Variants in ARID1B observed in about 807,000 individuals in gnomAD.
ARID1B encodes AT-rich interactive domain-containing protein 1B.
A neutral mutation model predicts 212.3 loss-of-function variants in ARID1B; 30 were observed. The observed-to-expected ratio is 0.14, with a 90% confidence interval of 0.11 to 0.19. The LOEUF (loss-of-function observed/expected upper bound fraction) is 0.19. Ranked by LOEUF, ARID1B falls within the 10% of genes least tolerant of loss-of-function variation. ARID1B has a pLI of 1.00. For missense variants in ARID1B, 2,891 were observed against 3,204.0 expected (o/e 0.90, Z 2.36); for synonymous variants, 1,402 against 1,301.7 (o/e 1.08, Z -1.66).
chr6:157,034,541 G>A (rs1164128323), intron 4 of ARID1B, among the ~76,000 whole-genome samples: 1 of 152,136 alleles, frequency 6.6e-6, no homozygotes, highest in African/African-American at 2.4e-5. Context: ...TGTTATTGTT[G>A]TTCAAATTTA....
At chr6:157,002,256 AT>A (rs1380093133) in intron 4 of ARID1B, among the ~76,000 whole-genome samples, 5 of 152,178 alleles carry the variant, frequency 3.3e-5, no homozygotes, top group African/African-American at 9.7e-5. Context: ...AAACTTTATC[AT>A]TTTGTGTTCA....
At chr6:156,944,307 T>TG (rs1381152529) in intron 4 of ARID1B, among the ~76,000 whole-genome samples, 2 of 152,158 alleles carry the variant, frequency 1.3e-5, no homozygotes, top group African/African-American at 4.8e-5. Context: ...CAGGGACACT[T>TG]GAACTTATTG....
At chr6:156,892,232 G>A (rs766586855) in intron 2 of ARID1B, among the ~76,000 whole-genome samples, 1 of 151,800 alleles carries the variant, frequency 6.6e-6, no homozygotes, top group Non-Finnish European at 1.5e-5. Flanking sequence ...AGAATTTTGG[G>A]TTAAAAGAAC....
At chr6:156,788,195 C>T (rs1258433614) in intron 1 of ARID1B, among the ~76,000 whole-genome samples, 2 of 152,088 alleles carry the variant, frequency 1.3e-5, no homozygotes, top group East Asian at 1.9e-4. Flanking sequence ...ATCAGCTATG[C>T]ACCGCTGAAC....
intron 13 of ARID1B, chr6:157,186,401 G>A: frequency 2.1e-6 from 1 of 470,682 alleles, no homozygotes; most frequent in Non-Finnish European, 4.4e-6. Flanking sequence ...GCAGTGGAAG[G>A]AAAGCCTCCT....
At chr6:156,836,513 G>C (rs760443554) in intron 2 of ARID1B, among the ~76,000 whole-genome samples, 2 of 152,192 alleles carry the variant, frequency 1.3e-5, no homozygotes, top group Non-Finnish European at 2.9e-5. Context: ...TTGAGTCCTT[G>C]CCTGTTAAAG....
intron 2 of ARID1B, among the ~76,000 whole-genome samples, chr6:156,889,637 G>A (rs1787771801): frequency 6.6e-6 from 1 of 152,142 alleles, no homozygotes; most frequent in Non-Finnish European, 1.5e-5. Flanking sequence ...CAGGTACCTC[G>A]AAAAGTGATC....
In ARID1B at chr6:157,206,364, C is replaced by T. The variant is rs775201232; in HGVS notation, c.5592C>T (p.Asp1864=). The change falls in exon 20 of 20, where the codon GAC becomes GAT. Residue 1864 remains aspartate (D), a synonymous_variant. Coordinates refer to ENST00000636930, the MANE Select transcript of ARID1B (RefSeq NM_001374828.1). This position sits in a 1 kb window ranked among gnomAD's most constrained non-coding sequence, Gnocchi z 6.8. The stretch of plus-strand genomic sequence containing the variant: ...AAGATGCTGAATGTATTGATGACGA[C>T]GAGGAAGACGAGGAGGATGAGGAGG... ...EEEDAECIDD[D]EEDEEDEEED... The T allele has an allele frequency of 9.3e-6, 15 of 1,613,596 alleles. No homozygotes were observed. The highest frequency in any genetic ancestry group is 1.3e-5 in the Non-Finnish European group (15 of 1,179,972).
chr6:156,878,783 G>A (rs1195518207), intron 2 of ARID1B, among the ~76,000 whole-genome samples: 5 of 152,212 alleles, frequency 3.3e-5, no homozygotes, highest in Admixed American at 6.5e-5. Context: ...ACAGGTGGTC[G>A]CTACATTGCT....
In ARID1B at chr6:157,207,791, T is replaced by C. The variant is rs375389356; in HGVS notation, c.7019T>C (p.Leu2340Ser). 11 of 1,560,936 alleles carry C rather than the reference T, an allele frequency of 7.0e-6. No individual in the cohort carries two copies. Among genetic ancestry groups the C allele is most frequent in the Non-Finnish European group, 9.6e-6 (11 of 1,150,510 alleles). Residue 2340 changes from leucine (L) to serine (S), a missense_variant, in exon 20 of 20, where the codon TTG becomes TCG. Leu to Ser is a moderately radical substitution (Grantham distance 145). Transcript: ENST00000636930. This position sits in a 1 kb window ranked among gnomAD's most constrained non-coding sequence, Gnocchi z 8.5. Reference protein sequence around the residue: ...RVDENRSEFLLHEGRLLDISI... With the variant: ...RVDENRSEFLSHEGRLLDISI... ...GACGAAAACCGCTCGGAATTCCTTT[T>C]GCACGAGGGCCGGTTGCTGGATATC...
chr6:157,099,928 T>C (rs1785949009), intron 5 of ARID1B, among the ~76,000 whole-genome samples: 1 of 152,210 alleles, frequency 6.6e-6, no homozygotes, highest in Admixed American at 6.5e-5. Flanking sequence ...CCAAGTCAGA[T>C]AGCCTCTGAA....
chr6:157,029,473 G>A (rs1780893179), intron 4 of ARID1B, among the ~76,000 whole-genome samples: 1 of 152,236 alleles, frequency 6.6e-6, no homozygotes, highest in Non-Finnish European at 1.5e-5. Flanking sequence ...TTCCAGGTAA[G>A]AGACATGCAA....
intron 2 of ARID1B, among the ~76,000 whole-genome samples, chr6:156,846,664 A>T (rs748308603): frequency 6.6e-6 from 1 of 152,126 alleles, no homozygotes; most frequent in Non-Finnish European, 1.5e-5. Flanking sequence ...TCAGAGGAGA[A>T]GTCAGGGTGT....
intron 15 of ARID1B, chr6:157,193,632 T>C (rs1486090933): frequency 6.6e-6 from 1 of 152,240 alleles, no homozygotes; most frequent in Non-Finnish European, 1.5e-5. Context: ...ACTGGAGCTG[T>C]TGGCTGCAGC....
chr6:156,822,805 G>A (rs1173378014), intron 1 of ARID1B, among the ~76,000 whole-genome samples: 1 of 152,148 alleles, frequency 6.6e-6, no homozygotes, highest in African/African-American at 2.4e-5. Context: ...AGGTGGAGTG[G>A]GCGCCCACTG....
chr6:157,112,648 C>G (rs147101501), intron 6 of ARID1B, among the ~76,000 whole-genome samples: 280 of 152,220 alleles, frequency 1.8e-3, no homozygotes, highest in East Asian at 0.013. Context: ...CTTTCCCAGC[C>G]CTTTCCAACA....
At chr6:156,945,016 A>G (rs1265698403) in intron 4 of ARID1B, among the ~76,000 whole-genome samples, 5 of 141,788 alleles carry the variant, frequency 3.5e-5, no homozygotes, top group East Asian at 2.0e-4. Flanking sequence ...TCTGCCTCCC[A>G]GGTTCCTGCC....
intron 2 of ARID1B, among the ~76,000 whole-genome samples, chr6:156,892,172 G>T (rs1787997473): frequency 6.6e-6 from 1 of 151,140 alleles, no homozygotes; most frequent in Admixed American, 6.6e-5. Context: ...TGACAGGCGT[G>T]AGCCACCACA....
rs557677113 is a variant in ARID1B at position 157,116,092 on chromosome 6, A to G, written c.2581+5531A>G. Reference sequence around the variant, plus strand: ...TATGTCTTGAAATTCAAAAAGAAAAATAGGAAACGGCTTATTAATAGGTTG... The same window carrying G: ...TATGTCTTGAAATTCAAAAAGAAAAGTAGGAAACGGCTTATTAATAGGTTG... On this transcript the variant is annotated intron_variant, in intron 6 of 19. Coordinates refer to ENST00000636930, the MANE Select transcript of ARID1B (RefSeq NM_001374828.1). Among the ~76,000 whole-genome samples the G allele has an allele frequency of 1.2e-4, 18 of 152,346 alleles. No homozygotes were observed. In the South Asian group the frequency reaches 3.5e-3, roughly 30 times the overall value.
Sources: allele counts gnomAD v4.1 joint callset (sites outside exome capture counted in the v4.1 genomes callset), GRCh38; gene constraint gnomAD v4.1.1; non-coding constraint Gnocchi (gnomAD v3.1); transcripts MANE v1.5; gene names NCBI Gene and HGNC (gene_info 2026-07-23, HGNC 2026-07-21).